EXOC4: variants seen among roughly 807,000 people sequenced by gnomAD.
The protein encoded by EXOC4 is exocyst complex component 4.
In EXOC4, 71 loss-of-function variants were observed where a neutral mutation model predicts 107.2. That is an observed-to-expected ratio of 0.66 (90% CI 0.55 to 0.81). The LOEUF (loss-of-function observed/expected upper bound fraction) is 0.81. Ranked by LOEUF, EXOC4 falls within the 30% of genes least tolerant of loss-of-function variation. EXOC4 has a pLI of 0.00. For missense variants in EXOC4, 1,108 were observed against 1,189.6 expected, an observed-to-expected ratio of 0.93 and a Z score of 1.01; for synonymous variants, 456 against 441.2, an observed-to-expected ratio of 1.03 and a Z score of -0.42.
intron 10 of EXOC4, among the ~76,000 whole-genome samples, chr7:133,789,552 A>T (rs1331697216): frequency 6.6e-6 from 1 of 152,200 alleles, no homozygotes; most frequent in Non-Finnish European, 1.5e-5. Flanking sequence ...CTGGGTGAGG[A>T]TTTGAAAGCT....
intron 12 of EXOC4, among the ~76,000 whole-genome samples, chr7:133,901,190 G>A (rs969932729): frequency 1.3e-5 from 2 of 152,104 alleles, no homozygotes; most frequent in African/African-American, 2.4e-5. Flanking sequence ...TTATTTTTAA[G>A]TCACCATTTC....
intron 10 of EXOC4, among the ~76,000 whole-genome samples, chr7:133,816,548 GTA>G (rs1797373635): frequency 6.6e-6 from 1 of 152,044 alleles, no homozygotes; most frequent in East Asian, 1.9e-4. Flanking sequence ...GAATTTTAGA[GTA>G]TCCTTCATTC....
At chr7:133,998,519 G>C (rs934040000) in intron 15 of EXOC4, among the ~76,000 whole-genome samples, 3 of 152,170 alleles carry the variant, frequency 2.0e-5, no homozygotes, top group African/African-American at 7.2e-5. Flanking sequence ...ACAAAATCAA[G>C]CTTGGCGGTT....
At chr7:133,807,436 T>C (rs1462073969) in intron 10 of EXOC4, among the ~76,000 whole-genome samples, 1 of 152,214 alleles carries the variant, frequency 6.6e-6, no homozygotes, top group Admixed American at 6.5e-5. Flanking sequence ...CAGATTCTCC[T>C]GTGTCTTGCA....
At chr7:134,094,693 C>T in the EXOC4 span, among the ~76,000 whole-genome samples, 1 of 151,966 alleles carries the variant, frequency 6.6e-6, no homozygotes, top group African/African-American at 2.4e-5. Flanking sequence ...TGCAAATCAA[C>T]AAATGTGATT....
chr7:133,423,916 G>A (rs1342011726), intron 7 of EXOC4, among the ~76,000 whole-genome samples: 7 of 152,324 alleles, frequency 4.6e-5, no homozygotes, highest in East Asian at 1.9e-4. Flanking sequence ...GCTAGGTGCC[G>A]CAAAGTCCTG....
intron 10 of EXOC4, among the ~76,000 whole-genome samples, chr7:133,676,855 T>A (rs1794068605): frequency 6.6e-6 from 1 of 152,052 alleles, no homozygotes; most frequent in Non-Finnish European, 1.5e-5. Flanking sequence ...CTTATGTATA[T>A]TATAGAAAGC....
chr7:133,331,620 C>T (rs1459708904), intron 5 of EXOC4, among the ~76,000 whole-genome samples: 1 of 152,014 alleles, frequency 6.6e-6, no homozygotes, highest in African/African-American at 2.4e-5. Flanking sequence ...CGCCCGCCAC[C>T]TCGCCCGGCT....
chr7:133,578,635 T>C (rs1021282185), intron 9 of EXOC4, among the ~76,000 whole-genome samples: 1 of 152,220 alleles, frequency 6.6e-6, no homozygotes, highest in Non-Finnish European at 1.5e-5. Context: ...TGCATAAATG[T>C]ATTTATGCTT....
chr7:133,734,180 T>G (rs1299120368), intron 10 of EXOC4, among the ~76,000 whole-genome samples: 1 of 152,214 alleles, frequency 6.6e-6, no homozygotes, highest in Non-Finnish European at 1.5e-5. Context: ...GAGAGCTTCA[T>G]TGTATCCTTG....
At chr7:134,007,626 C>T (rs1378017914) in intron 16 of EXOC4, 50 bp from the exon 17 acceptor site, 2 of 1,522,590 alleles carry the variant, frequency 1.3e-6, no homozygotes, top group Non-Finnish European at 1.8e-6. Context: ...GCAGGAATGC[C>T]TCTAATCTGT....
At chr7:133,365,499 G>A (rs1470828215) in intron 6 of EXOC4, among the ~76,000 whole-genome samples, 2 of 152,142 alleles carry the variant, frequency 1.3e-5, no homozygotes, top group Non-Finnish European at 2.9e-5. Context: ...GACAAGGAGG[G>A]AGTAACACAG....
At chr7:133,361,990 GTC>G (rs1796146670) in intron 6 of EXOC4, among the ~76,000 whole-genome samples, 1 of 151,980 alleles carries the variant, frequency 6.6e-6, no homozygotes, top group African/African-American at 2.4e-5. Context: ...TAACATGTTT[GTC>G]TCATTGATTT....
At chr7:134,083,697 C>T in the EXOC4 span, among the ~76,000 whole-genome samples, 1 of 152,106 alleles carries the variant, frequency 6.6e-6, no homozygotes, top group Admixed American at 6.6e-5. Flanking sequence ...CTAAAAAAAA[C>T]CAAAGCAGAT....
intron 9 of EXOC4, among the ~76,000 whole-genome samples, chr7:133,615,914 A>G (rs997100808): frequency 1.3e-4 from 20 of 152,346 alleles, no homozygotes; most frequent in African/African-American, 4.3e-4. Context: ...AGATTGTAGC[A>G]GTAATTTTAT....
At chr7:133,916,828 A>C (rs1799819472) in intron 12 of EXOC4, among the ~76,000 whole-genome samples, 1 of 152,226 alleles carries the variant, frequency 6.6e-6, no homozygotes, top group Non-Finnish European at 1.5e-5. Context: ...GGATATTTAG[A>C]TCGTTGAAAT....
chr7:133,558,189 C>CTTTTCTTT (rs1800731670), intron 9 of EXOC4, among the ~76,000 whole-genome samples: 3 of 114,412 alleles, frequency 2.6e-5, no homozygotes, highest in Admixed American at 9.2e-5. Context: ...TTGGTTCCTT[C>CTTTTCTTT]TCTTTTCTTT....
intron 6 of EXOC4, among the ~76,000 whole-genome samples, chr7:133,360,839 G>A (rs561815984): frequency 2.0e-5 from 3 of 152,076 alleles, no homozygotes; most frequent in Non-Finnish European, 4.4e-5. Context: ...GCCTGTGGGG[G>A]TATGAATGTT....
intron 9 of EXOC4, among the ~76,000 whole-genome samples, chr7:133,541,363 C>T (rs1800376380): frequency 6.6e-6 from 1 of 152,268 alleles, no homozygotes; most frequent in African/African-American, 2.4e-5. Flanking sequence ...TCCCTGATAG[C>T]TATAGAAACT....
Sources: gnomAD v4.1 joint callset for allele counts (sites outside exome capture counted in the v4.1 genomes callset) on GRCh38, gnomAD v4.1.1 for gene constraint, MANE v1.5 for transcripts, NCBI Gene and HGNC (gene_info 2026-07-23, HGNC 2026-07-21) for gene names.